The following DHX32 variants were observed in gnomAD, a reference collection of about 807,000 sequenced individuals.
DHX32 encodes DEAH-box helicase 32 (putative), also known as putative pre-mRNA-splicing factor ATP-dependent RNA helicase DHX32.
DHX32 carries 51 observed loss-of-function variants against 70.0 expected under a neutral mutation model. That is an observed-to-expected ratio of 0.73 (90% CI 0.58 to 0.92). The LOEUF is 0.92. Ranked by LOEUF, DHX32 falls within the 40% of genes least tolerant of loss-of-function variation. The pLI, the probability that DHX32 is intolerant of heterozygous loss-of-function variation, is 0.00. For missense variants in DHX32, 762 were observed against 891.8 expected (o/e 0.85, Z 1.85); for synonymous variants, 310 against 315.3 (o/e 0.98, Z 0.18).
intron 1 of DHX32, among the ~76,000 whole-genome samples, chr10:125,893,523 G>A (rs1221034118): frequency 6.6e-6 from 1 of 152,186 alleles, no homozygotes; most frequent in South Asian, 2.1e-4. Context: ...GATTACAGGC[G>A]TGAGCCACCG....
chr10:125,870,149 A>G (rs1334859955), intron 1 of DHX32, among the ~76,000 whole-genome samples: 1 of 152,204 alleles, frequency 6.6e-6, no homozygotes, highest in African/African-American at 2.4e-5. Flanking sequence ...TTAGGAGGGT[A>G]GGAAGATGAC....
chr10:125,859,054 T>TG (rs1564827848), intron 3 of DHX32, among the ~76,000 whole-genome samples: 3 of 151,352 alleles, frequency 2.0e-5, no homozygotes, highest in Non-Finnish European at 4.4e-5. Flanking sequence ...TGTTTTTTTT[T>TG]TTTTTTTTTA....
At chr10:125,885,144 T>C (rs908045253), upstream of DHX32, among the ~76,000 whole-genome samples, 1 of 152,132 alleles carries the variant, frequency 6.6e-6, no homozygotes, top group African/African-American at 2.4e-5. Context: ...GCCACAAATC[T>C]GGTCCCCCCA....
At chr10:125,890,013 T>C (rs1276482677) in intron 1 of DHX32, among the ~76,000 whole-genome samples, 1 of 152,310 alleles carries the variant, frequency 6.6e-6, no homozygotes, top group Non-Finnish European at 1.5e-5. Context: ...ATAGTGTATA[T>C]GCTTAACCAT....
intron 1 of DHX32, among the ~76,000 whole-genome samples, chr10:125,877,530 T>C (rs186691874): frequency 1.3e-5 from 2 of 152,014 alleles, no homozygotes; most frequent in African/African-American, 4.8e-5. Context: ...CTACTAAAAA[T>C]ACAAAAATAA....
Position 125,836,669 on chromosome 10 carries a change from C to G in DHX32, c.*18G>C. 6.2e-7 allele frequency: 1 copy of G among 1,612,118 alleles called. No homozygotes were observed. The highest frequency in any genetic ancestry group is 2.2e-5 in the East Asian group (1 of 44,858). On this transcript the variant is annotated 3_prime_UTR_variant, in exon 11 of 11. Coordinates refer to ENST00000284690, the MANE Select transcript of DHX32 (RefSeq NM_018180.3). ...AGCTACCTTTGGGACCCTGCTGCAC[C>G]TTGTGTTTGCTGGGGAGTCACTGGA...
At position 125,854,117 on chromosome 10, in the gene DHX32, T is replaced by C; in HGVS notation, c.936A>G (p.Pro312=). Reference sequence around the variant, plus strand: ...GCTTGAACAATGAACATTTCTCTTTTGGATACAAAGGAACAACCACCAGTT... The same window carrying C: ...GCTTGAACAATGAACATTTCTCTTTCGGATACAAAGGAACAACCACCAGTT... ...LGELVVVPLY[P]KEKCSLFKPL... Residue 312 remains proline (P), a synonymous_variant, in exon 4 of 11, where the codon CCA becomes CCG. Coordinates refer to ENST00000284690, the MANE Select transcript of DHX32 (RefSeq NM_018180.3). 1.2e-6 allele frequency: 2 copies of C among 1,614,042 alleles called. No homozygotes were observed. The highest frequency in any genetic ancestry group is 1.7e-6 in the Non-Finnish European group (2 of 1,180,004).
At chr10:125,861,881 G>A (rs1944190899) in intron 2 of DHX32, among the ~76,000 whole-genome samples, 2 of 151,880 alleles carry the variant, frequency 1.3e-5, no homozygotes, top group African/African-American at 2.4e-5. Flanking sequence ...GAACCCGGGG[G>A]TAGTCTTGGG....
intron 8 of DHX32, 42 bp from the exon 9 acceptor site, chr10:125,839,230 C>A: frequency 6.3e-7 from 1 of 1,597,026 alleles, no homozygotes; most frequent in South Asian, 1.1e-5. Flanking sequence ...AATGATTTGT[C>A]AGAAGCTCTG....
At chr10:125,836,952 A>ACCTG in intron 10 of DHX32, 97 bp from the exon 11 acceptor site, 1 of 984,374 alleles carries the variant, frequency 1.0e-6, no homozygotes, top group Non-Finnish European at 1.5e-6. Context: ...TGGAGAATCT[A>ACCTG]CCTGTAGAAC....
intron 1 of DHX32, among the ~76,000 whole-genome samples, chr10:125,867,730 C>T (rs539492795): frequency 2.6e-4 from 34 of 133,030 alleles, no homozygotes; most frequent in African/African-American, 7.7e-4. Flanking sequence ...AGCAAGACTC[C>T]GTCTCAAAAA....
intron 6 of DHX32, among the ~76,000 whole-genome samples, chr10:125,843,272 C>A (rs1426820376): frequency 6.6e-6 from 1 of 152,038 alleles, no homozygotes; most frequent in Non-Finnish European, 1.5e-5. Context: ...TTCAAAGTAA[C>A]ATATGGTAAA....
intron 1 of DHX32, among the ~76,000 whole-genome samples, chr10:125,874,543 T>G (rs1944273298): frequency 6.6e-6 from 1 of 152,220 alleles, no homozygotes; most frequent in South Asian, 2.1e-4. Flanking sequence ...TTAAAAAAAT[T>G]TTTTAAACTG....
Position 125,880,554 on chromosome 10 carries a change from T to C in DHX32, c.271A>G (p.Lys91Glu), listed in dbSNP as rs772936868. The change falls in exon 1 of 11, where the codon AAG becomes GAG. Residue 91 changes from lysine (K) to glutamate (E), a missense_variant. Lys to Glu is a moderately conservative substitution (Grantham distance 56). Transcript: ENST00000284690. ...VIVSGDAKCG[K>E]SAQVPQWCAE... is the part of the protein sequence containing the mutation. ...TAGTGGTTACTCACCTGAGCGCTCT[T>C]ACCACATTTAGCATCTCCTGAAACA... is the stretch of plus-strand genomic sequence containing the variant. 2 of 1,605,488 alleles carry C rather than the reference T, an allele frequency of 1.2e-6. No individual in the cohort carries two copies. Among genetic ancestry groups the C allele is most frequent in the Admixed American group, 1.7e-5 (1 of 59,250 alleles).
chr10:125,846,892 T>C (rs1017973164), intron 6 of DHX32, among the ~76,000 whole-genome samples: 4 of 152,202 alleles, frequency 2.6e-5, no homozygotes, highest in Non-Finnish European at 2.9e-5. Flanking sequence ...GCTAAGACTC[T>C]GCCCAGTTCC....
chr10:125,883,463 C>T (rs945175230), upstream of DHX32, among the ~76,000 whole-genome samples: 1 of 152,140 alleles, frequency 6.6e-6, no homozygotes, highest in Non-Finnish European at 1.5e-5. Context: ...CTATGAGGTA[C>T]CCACGCCCAA....
intron 9 of DHX32, 41 bp downstream of exon 9, chr10:125,838,960 T>A: frequency 6.4e-7 from 1 of 1,573,048 alleles, no homozygotes; most frequent in Non-Finnish European, 8.7e-7. Flanking sequence ...GTATGTGCAA[T>A]TCAGCAGAGC....
chr10:125,857,846 T>C (rs898499276), intron 3 of DHX32, among the ~76,000 whole-genome samples: 1 of 152,062 alleles, frequency 6.6e-6, no homozygotes, highest in Non-Finnish European at 1.5e-5. Context: ...TCAGTCTTAA[T>C]TGCATTTTTT....
chr10:125,888,998 T>C (rs915352428), intron 1 of DHX32, among the ~76,000 whole-genome samples: 18 of 152,196 alleles, frequency 1.2e-4, no homozygotes, highest in Non-Finnish European at 1.6e-4. Flanking sequence ...AGGCGGAGGT[T>C]GCAGTGAGCT....
Sources: allele counts gnomAD v4.1 joint callset (sites outside exome capture counted in the v4.1 genomes callset), GRCh38; gene constraint gnomAD v4.1.1; transcripts MANE v1.5; gene names NCBI Gene and HGNC (gene_info 2026-07-23, HGNC 2026-07-21).